ADAM19: variants seen among roughly 807,000 people sequenced by gnomAD.
ADAM19 encodes the protein ADAM metallopeptidase domain 19, also known as disintegrin and metalloproteinase domain-containing protein 19.
Under a neutral mutation model 114.7 loss-of-function variants are expected in ADAM19, and 65 were observed. The ratio of observed to expected loss-of-function variants is 0.57; its 90% CI spans 0.46 to 0.70. The LOEUF (loss-of-function observed/expected upper bound fraction) is 0.70. Ranked by LOEUF, ADAM19 falls within the 30% of genes least tolerant of loss-of-function variation. The pLI is 0.00. For missense variants in ADAM19, 1,063 were observed against 1,204.7 expected (o/e 0.88, Z 1.74); for synonymous variants, 466 against 460.5 (o/e 1.01, Z -0.15).
chr5:157,496,773 G>T (rs775731029), intron 14 of ADAM19, 121 bp downstream of exon 14: 2 of 815,616 alleles, frequency 2.5e-6, no homozygotes, highest in Non-Finnish European at 3.7e-6. Flanking sequence ...TCAAGGGGAT[G>T]AAAGAGGTAG....
intron 1 of ADAM19, 115 bp downstream of exon 1, chr5:157,575,488 G>A (rs1253664263): frequency 1.4e-6 from 1 of 707,944 alleles, no homozygotes; most frequent in Non-Finnish European, 2.1e-6. Flanking sequence ...GGGGGCGCAG[G>A]CCCCGCGGAG....
intron 3 of ADAM19, among the ~76,000 whole-genome samples, chr5:157,549,481 T>A (rs763358462): frequency 2.7e-4 from 41 of 152,236 alleles, no homozygotes; most frequent in Non-Finnish European, 5.3e-4. Context: ...TCAGTCTGAA[T>A]TCCTTTCTCA....
At chr5:157,524,007 T>C (rs1166610599) in intron 5 of ADAM19, among the ~76,000 whole-genome samples, 1 of 152,232 alleles carries the variant, frequency 6.6e-6, no homozygotes, top group African/African-American at 2.4e-5. Flanking sequence ...CTGCTGTTCC[T>C]GGTTATTTGC....
intron 8 of ADAM19, among the ~76,000 whole-genome samples, chr5:157,510,722 T>C (rs1755893837): frequency 6.6e-6 from 1 of 152,256 alleles, no homozygotes; most frequent in African/African-American, 2.4e-5. Flanking sequence ...TTAGAGTGTA[T>C]TCGTTTATGA....
At chr5:157,494,296 G>C (rs1251391607) in intron 15 of ADAM19, among the ~76,000 whole-genome samples, 1 of 152,140 alleles carries the variant, frequency 6.6e-6, no homozygotes, top group Non-Finnish European at 1.5e-5. Context: ...TGGATGGGTA[G>C]ACAGATGAGT....
At chr5:157,518,567 A>G (rs1414471378) in intron 7 of ADAM19, among the ~76,000 whole-genome samples, 2 of 152,190 alleles carry the variant, frequency 1.3e-5, no homozygotes, top group Non-Finnish European at 2.9e-5. Flanking sequence ...TATTTTTAGT[A>G]GAGATGGGGT....
chr5:157,569,923 C>T (rs1040732928), intron 2 of ADAM19, among the ~76,000 whole-genome samples: 4 of 152,142 alleles, frequency 2.6e-5, no homozygotes, highest in East Asian at 1.9e-4. Flanking sequence ...ACACAACAAC[C>T]GCATCTTCCT....
chr5:157,564,656 G>GA (rs756247444), intron 2 of ADAM19, among the ~76,000 whole-genome samples: 5 of 152,180 alleles, frequency 3.3e-5, no homozygotes, highest in Admixed American at 6.5e-5. Flanking sequence ...GCATAGAGAA[G>GA]AAACTCCAGG....
At chr5:157,550,813 GA>G (rs1757174277) in intron 3 of ADAM19, among the ~76,000 whole-genome samples, 1 of 152,132 alleles carries the variant, frequency 6.6e-6, no homozygotes, top group Non-Finnish European at 1.5e-5. Flanking sequence ...ACTTGCAGAG[GA>G]GCCAAGGGCA....
chr5:157,485,438 G>A (rs760665116), intron 21 of ADAM19, among the ~76,000 whole-genome samples: 2 of 152,146 alleles, frequency 1.3e-5, no homozygotes, highest in Non-Finnish European at 2.9e-5. Flanking sequence ...GCATCTATGG[G>A]CCCCTTGCAG....
intron 9 of ADAM19, among the ~76,000 whole-genome samples, chr5:157,508,602 A>G (rs1321941845): frequency 2.0e-5 from 3 of 151,434 alleles, no homozygotes; most frequent in South Asian, 4.2e-4. Context: ...TGTCTCAAAA[A>G]AGAAAAAAAA....
At chr5:157,490,126 T>A (rs921410774) in intron 19 of ADAM19, among the ~76,000 whole-genome samples, 184 bp downstream of exon 19, 3 of 152,144 alleles carry the variant, frequency 2.0e-5, no homozygotes, top group African/African-American at 7.2e-5. Context: ...ATCAGTAGAG[T>A]ACTTACAATA....
chr5:157,549,890 G>A (rs913153110), intron 3 of ADAM19, among the ~76,000 whole-genome samples: 1 of 152,118 alleles, frequency 6.6e-6, no homozygotes. Context: ...ACAAAATGTG[G>A]TATATCTATA....
chr5:157,527,411 C>T (rs559471360), intron 5 of ADAM19, among the ~76,000 whole-genome samples: 15 of 152,208 alleles, frequency 9.9e-5, no homozygotes, highest in Non-Finnish European at 2.2e-4. Flanking sequence ...GGGGTTTCAC[C>T]GTGTTAGCCA....
At chr5:157,573,483 C>T (rs188597914) in intron 1 of ADAM19, among the ~76,000 whole-genome samples, 4 of 152,288 alleles carry the variant, frequency 2.6e-5, no homozygotes, top group South Asian at 4.1e-4. Flanking sequence ...CAATGGCTCA[C>T]GCCTGTAATC....
In ADAM19 at chr5:157,504,169, AG is replaced by A. The variant is rs377232296; in HGVS notation, c.1131-1190del. 1.2e-3 allele frequency among the ~76,000 whole-genome samples: 183 copies of A among 152,338 alleles called. 1 individual carries two copies. The highest frequency in any genetic ancestry group is 4.3e-3 in the African/African-American group (178 of 41,578). Reference sequence around the variant, plus strand: ...TCAGATACGCTTTTTAGATTGAGAGAGAAAGGGGTGAGCTTAACCATGAGCT... The same window carrying A: ...TCAGATACGCTTTTTAGATTGAGAGAAAAGGGGTGAGCTTAACCATGAGCT... On this transcript the variant is annotated intron_variant, in intron 11 of 22. Transcript: ENST00000257527.
At chr5:157,561,798 G>A (rs1054523137) in intron 3 of ADAM19, among the ~76,000 whole-genome samples, 7 of 151,912 alleles carry the variant, frequency 4.6e-5, no homozygotes, top group African/African-American at 9.7e-5. Flanking sequence ...CCTGACGGAC[G>A]GTGCACTCAC....
chr5:157,567,980 CTT>C (rs1313007688), intron 2 of ADAM19: 8 of 143,242 alleles, frequency 5.6e-5, no homozygotes, highest in African/African-American at 7.7e-5. Context: ...GAATAGTAAT[CTT>C]TTTTTTTTTT....
At chr5:157,488,109 C>T (rs995064265) in intron 21 of ADAM19, among the ~76,000 whole-genome samples, 156 bp downstream of exon 21, 9 of 152,170 alleles carry the variant, frequency 5.9e-5, no homozygotes, top group Admixed American at 2.6e-4. Context: ...ACGTTCGTTG[C>T]TCTAACCTGC....
Sources: gnomAD v4.1 joint callset for allele counts (sites outside exome capture counted in the v4.1 genomes callset) on GRCh38, gnomAD v4.1.1 for gene constraint, MANE v1.5 for transcripts, NCBI Gene and HGNC (gene_info 2026-07-23, HGNC 2026-07-21) for gene names.